SNX29: variants seen among roughly 807,000 people sequenced by gnomAD.
SNX29 encodes the protein sorting nexin 29, also known as sorting nexin-29.
Under a neutral mutation model 102.1 loss-of-function variants are expected in SNX29, and 78 were observed. The ratio of observed to expected loss-of-function variants is 0.76; its 90% CI spans 0.64 to 0.92. The LOEUF is 0.92. SNX29 is among the 40% of genes least tolerant of loss of function. The pLI is 0.00. For missense variants in SNX29, 1,280 were observed against 1,061.7 expected, an observed-to-expected ratio of 1.21 and a Z score of -2.86; for synonymous variants, 580 against 414.5, an observed-to-expected ratio of 1.40 and a Z score of -4.85.
chr16:11,994,449 A>G (rs769475355), intron 1 of SNX29, among the ~76,000 whole-genome samples: 1 of 152,164 alleles, frequency 6.6e-6, no homozygotes, highest in Non-Finnish European at 1.5e-5. Flanking sequence ...GCACTGGGCC[A>G]CTGCTGCAGG....
chr16:12,566,506 G>T (rs1288298840), intron 20 of SNX29, among the ~76,000 whole-genome samples: 9 of 152,188 alleles, frequency 5.9e-5, no homozygotes, highest in Non-Finnish European at 1.3e-4. Flanking sequence ...AGGCTAAGTG[G>T]CTGCTCAGAC....
intron 16 of SNX29, among the ~76,000 whole-genome samples, chr16:12,392,086 A>G (rs949869540): frequency 9.2e-5 from 14 of 152,206 alleles, no homozygotes; most frequent in African/African-American, 3.4e-4. Flanking sequence ...GTGTCTCCCA[A>G]CACGCTAATA....
chr16:12,568,174 C>CAAGGAAAATGTGGGG (rs1301264055), intron 20 of SNX29, among the ~76,000 whole-genome samples: 1 of 152,102 alleles, frequency 6.6e-6, no homozygotes, highest in Non-Finnish European at 1.5e-5. Context: ...GCTGGAAAAT[C>CAAGGAAAATGTGGGG]AAGGAAAATG....
chr16:12,052,144 A>C lies in SNX29; in HGVS notation c.1046A>C (p.Asp349Ala). 7 of 1,613,948 alleles carry C rather than the reference A, an allele frequency of 4.3e-6. No homozygotes were observed. Among genetic ancestry groups the C allele is most frequent in the Non-Finnish European group, 5.9e-6 (7 of 1,179,850 alleles). The change falls in exon 8 of 21, where the codon GAT becomes GCT. Residue 349 changes from aspartate (D) to alanine (A), a missense_variant. Transcript: ENST00000566228. Reference sequence around the variant, plus strand: ...GATGTGAAAAGCATCGATGATGAAGATGTGGATGAAAACGAAGATGACGTG... The same window carrying C: ...GATGTGAAAAGCATCGATGATGAAGCTGTGGATGAAAACGAAGATGACGTG... ...KLDVKSIDDE[D>A]VDENEDDVYG...
At chr16:12,082,144 G>A (rs146074753) in intron 11 of SNX29, among the ~76,000 whole-genome samples, 1 of 152,092 alleles carries the variant, frequency 6.6e-6, no homozygotes, top group East Asian at 1.9e-4. Flanking sequence ...AGATGGACAA[G>A]ACTTGACTCT....
chr16:12,313,857 T>A (rs1596868225), intron 15 of SNX29, among the ~76,000 whole-genome samples: 1 of 152,224 alleles, frequency 6.6e-6, no homozygotes, highest in Non-Finnish European at 1.5e-5. Context: ...ACATAGAGGG[T>A]ATTTATGATC....
chr16:12,171,746 G>A (rs2076154341), intron 13 of SNX29, among the ~76,000 whole-genome samples: 1 of 152,268 alleles, frequency 6.6e-6, no homozygotes, highest in Non-Finnish European at 1.5e-5. Flanking sequence ...GCATTGTACA[G>A]TATTTGCTTG....
At chr16:12,511,299 C>T (rs925134169) in intron 19 of SNX29, among the ~76,000 whole-genome samples, 1 of 152,188 alleles carries the variant, frequency 6.6e-6, no homozygotes, top group African/African-American at 2.4e-5. Flanking sequence ...CTCAAGCAGA[C>T]GTGGCTCTAA....
chr16:12,135,535 G>C, intron 13 of SNX29: 14 of 1,321,826 alleles, frequency 1.1e-5, no homozygotes, highest in Non-Finnish European at 1.2e-5. Context: ...AGTTCTCTTT[G>C]CTATTTTGTT....
At chr16:12,507,997 G>T (rs1473285420) in intron 19 of SNX29, among the ~76,000 whole-genome samples, 1 of 152,228 alleles carries the variant, frequency 6.6e-6, no homozygotes, top group Non-Finnish European at 1.5e-5. Flanking sequence ...TGGAAGCCGT[G>T]TGGACCTGGG....
intron 18 of SNX29, among the ~76,000 whole-genome samples, chr16:12,438,961 A>G (rs529620892): frequency 2.6e-5 from 4 of 152,192 alleles, no homozygotes; most frequent in Non-Finnish European, 5.9e-5. Flanking sequence ...GAGGGTAGAG[A>G]GGAAGGCACC....
Position 12,571,533 on chromosome 16 carries a change from C to T in SNX29, c.*2904C>T, listed in dbSNP as rs1041419307. Reference sequence around the variant, plus strand: ...AAGGGCCTTGGATTCCTGGGACCACCCTTTGCTGGGAGGAAGAATCCACAC... The same window carrying T: ...AAGGGCCTTGGATTCCTGGGACCACTCTTTGCTGGGAGGAAGAATCCACAC... On this transcript the variant is annotated 3_prime_UTR_variant, in exon 21 of 21. Coordinates refer to ENST00000566228, the MANE Select transcript of SNX29 (RefSeq NM_032167.5). The T allele has an allele frequency of 2.3e-6, 2 of 873,884 alleles. No homozygotes were observed. Among genetic ancestry groups the T allele is most frequent in the African/African-American group, 3.5e-5 (2 of 57,048 alleles). The allele number at this position is 873,884 out of a possible 1,614,324, so 54.1% of individuals were successfully genotyped here.
intron 19 of SNX29, among the ~76,000 whole-genome samples, chr16:12,490,434 A>G (rs569135055): frequency 6.6e-6 from 1 of 152,222 alleles, no homozygotes; most frequent in East Asian, 1.9e-4. Flanking sequence ...ACCACAGTTT[A>G]TTTATCTTTT....
At chr16:12,462,541 C>T (rs2086852572) in intron 18 of SNX29, among the ~76,000 whole-genome samples, 1 of 152,114 alleles carries the variant, frequency 6.6e-6, no homozygotes. Context: ...AAATAGCAGC[C>T]ACTGTTAATG....
In SNX29 at chr16:12,539,195, T is replaced by G. The variant is rs888837968; in HGVS notation, c.2318+14354T>G. On this transcript the variant is annotated intron_variant, in intron 20 of 20. Transcript: ENST00000566228. ...GTGAATTTAAACACATGCATAGATTTGAGTAACCACCATCACCGTCAAGAT... is the reference window on the plus strand; with the variant it reads ...GTGAATTTAAACACATGCATAGATTGGAGTAACCACCATCACCGTCAAGAT... 3.9e-5 allele frequency among the ~76,000 whole-genome samples: 6 copies of G among 152,210 alleles called. 1 individual carries two copies. The highest frequency in any genetic ancestry group is 3.9e-4 in the Admixed American group (6 of 15,278).
At chr16:12,035,433 G>A (rs115594664) in intron 4 of SNX29, among the ~76,000 whole-genome samples, 5 of 152,268 alleles carry the variant, frequency 3.3e-5, no homozygotes, top group African/African-American at 1.2e-4. Flanking sequence ...CTTGTAGGAT[G>A]TGGGTGTATT....
intron 15 of SNX29, among the ~76,000 whole-genome samples, chr16:12,325,649 G>A (rs1033008889): frequency 2.0e-5 from 3 of 152,068 alleles, no homozygotes; most frequent in Admixed American, 1.3e-4. Flanking sequence ...CTTGTGTGAG[G>A]TTGACATCTT....
At chr16:12,153,797 G>A (rs2055410197) in intron 13 of SNX29, among the ~76,000 whole-genome samples, 1 of 152,130 alleles carries the variant, frequency 6.6e-6, no homozygotes, top group African/African-American at 2.4e-5. Flanking sequence ...AATCTTTATG[G>A]TGAGCTTTTT....
intron 18 of SNX29, among the ~76,000 whole-genome samples, chr16:12,429,615 T>C (rs2085230195): frequency 6.6e-6 from 1 of 152,252 alleles, no homozygotes; most frequent in Non-Finnish European, 1.5e-5. Context: ...CATGTTACTC[T>C]ACACTTTACA....
Sources: allele counts gnomAD v4.1 joint callset (sites outside exome capture counted in the v4.1 genomes callset), GRCh38; gene constraint gnomAD v4.1.1; transcripts MANE v1.5; gene names NCBI Gene and HGNC (gene_info 2026-07-23, HGNC 2026-07-21).